Variants in SLCO3A1 observed in about 807,000 individuals in gnomAD.
The protein encoded by SLCO3A1 is solute carrier organic anion transporter family member 3A1, also known as PGE1 transporter.
In SLCO3A1, 27 loss-of-function variants were observed where a neutral mutation model predicts 63.1. The ratio of observed to expected loss-of-function variants is 0.43; its 90% CI spans 0.32 to 0.59. The LOEUF (loss-of-function observed/expected upper bound fraction) is 0.59, where lower values mean the gene tolerates loss of function less well. Ranked by LOEUF, SLCO3A1 falls within the 20% of genes least tolerant of loss-of-function variation. The pLI, the probability that SLCO3A1 is intolerant of heterozygous loss-of-function variation, is 0.09. For missense variants in SLCO3A1, 773 were observed against 945.8 expected (o/e 0.82, Z 2.40); for synonymous variants, 473 against 409.9 (o/e 1.15, Z -1.86).
intron 1 of SLCO3A1, among the ~76,000 whole-genome samples, chr15:91,880,352 G>A (rs1234780853): frequency 6.8e-6 from 1 of 146,988 alleles, no homozygotes; most frequent in Non-Finnish European, 1.5e-5. Context: ...TCCACCAACA[G>A]ATTTCCTCAG....
chr15:92,095,750 C>T (rs753789694), intron 3 of SLCO3A1, among the ~76,000 whole-genome samples: 4 of 152,150 alleles, frequency 2.6e-5, no homozygotes, highest in South Asian at 2.1e-4. Context: ...CTTGGCTCAT[C>T]GTGGTGACCT....
rs892109416 is a variant in SLCO3A1 at position 91,896,061 on chromosome 15, G to A, written c.181-19932G>A. ...CTAAATCCTTCAGTTCTCAATGTTT[G>A]TGTCTCCTATTTGTTTCTCTTCCAT... On this transcript the variant is annotated intron_variant, in intron 1 of 9. Coordinates refer to ENST00000318445, the MANE Select transcript of SLCO3A1 (RefSeq NM_013272.4). Among the ~76,000 whole-genome samples the A allele has an allele frequency of 2.0e-5, 3 of 152,162 alleles. No homozygotes were observed. The East Asian group carries it at 5.8e-4, about 29-fold the overall frequency.
intron 6 of SLCO3A1, 26 bp from the exon 7 acceptor site, chr15:92,128,325 G>T: frequency 6.2e-7 from 1 of 1,613,522 alleles, no homozygotes; most frequent in Non-Finnish European, 8.5e-7. Context: ...GTTTCTAATG[G>T]CTTCCGTGTT....
intron 2 of SLCO3A1, among the ~76,000 whole-genome samples, chr15:91,921,935 A>T (rs1232645939): frequency 1.3e-5 from 2 of 151,470 alleles, no homozygotes; most frequent in African/African-American, 2.4e-5. Context: ...GGGTTTCGTC[A>T]TGTTGTCCAG....
At chr15:92,023,592 C>T (rs1327095553) in intron 2 of SLCO3A1, among the ~76,000 whole-genome samples, 2 of 152,012 alleles carry the variant, frequency 1.3e-5, no homozygotes, top group East Asian at 3.9e-4. Flanking sequence ...CCTCAGCCTC[C>T]CAAGTAGCTG....
At chr15:91,970,952 A>G (rs1415505300) in intron 2 of SLCO3A1, among the ~76,000 whole-genome samples, 1 of 152,034 alleles carries the variant, frequency 6.6e-6, no homozygotes, top group Non-Finnish European at 1.5e-5. Flanking sequence ...GTCAGTCTTC[A>G]TTATTTGTGG....
At chr15:92,057,015 G>A (rs1218878814) in intron 2 of SLCO3A1, among the ~76,000 whole-genome samples, 2 of 152,192 alleles carry the variant, frequency 1.3e-5, no homozygotes, top group African/African-American at 4.8e-5. Context: ...ACATCTCAAG[G>A]TCTCCCTGTC....
chr15:91,855,471 C>T (rs1231417650), intron 1 of SLCO3A1, among the ~76,000 whole-genome samples: 2 of 152,232 alleles, frequency 1.3e-5, no homozygotes, highest in Non-Finnish European at 2.9e-5. Flanking sequence ...AAAGCGTTTA[C>T]ATCCCGGTCT....
chr15:91,927,952 G>T (rs1225913445), intron 2 of SLCO3A1, among the ~76,000 whole-genome samples: 1 of 152,224 alleles, frequency 6.6e-6, no homozygotes, highest in Non-Finnish European at 1.5e-5. Flanking sequence ...ATGGGGCAAA[G>T]AGCCTTCTCT....
In SLCO3A1 at chr15:91,959,941, C is replaced by G. The variant is rs189932404; in HGVS notation, c.646+43483C>G. Among the ~76,000 whole-genome samples the G allele has an allele frequency of 2.0e-3, 301 of 152,098 alleles. 3 individuals carry two copies. The highest frequency in any genetic ancestry group is 6.8e-3 in the African/African-American group (284 of 41,514). On this transcript the variant is annotated intron_variant, in intron 2 of 9. Coordinates refer to ENST00000318445, the MANE Select transcript of SLCO3A1 (RefSeq NM_013272.4). ...TACTTTCTGTGTCTATTTGATTTGCCCATTCTTAACATTTCACGTAAACAG... is the reference window on the plus strand; with the variant it reads ...TACTTTCTGTGTCTATTTGATTTGCGCATTCTTAACATTTCACGTAAACAG...
chr15:91,915,894 T>G, intron 1 of SLCO3A1, 99 bp from the exon 2 acceptor site: 1 of 1,032,870 alleles, frequency 9.7e-7, no homozygotes, highest in South Asian at 1.4e-5. Flanking sequence ...GGTGGGAGGG[T>G]CCCGGGGGGG....
chr15:92,136,596 TAC>T (rs1402389384), intron 7 of SLCO3A1, among the ~76,000 whole-genome samples: 4 of 152,210 alleles, frequency 2.6e-5, no homozygotes, highest in Admixed American at 6.5e-5. Flanking sequence ...GGAACAGAAA[TAC>T]AGTTTTCAGT....
chr15:92,125,985 A>C (rs1596123334), intron 5 of SLCO3A1, 76 bp from the exon 6 acceptor site: 1 of 1,294,742 alleles, frequency 7.7e-7, no homozygotes, highest in East Asian at 2.4e-5. Context: ...ACTCAGCCTC[A>C]GGCCTGCTGC....
chr15:92,133,012 G>T (rs2048014628), intron 7 of SLCO3A1, among the ~76,000 whole-genome samples: 1 of 146,154 alleles, frequency 6.8e-6, no homozygotes. Context: ...GAGAACCGCT[G>T]TTCTAATACA....
intron 2 of SLCO3A1, among the ~76,000 whole-genome samples, chr15:91,918,025 T>G (rs1467510644): frequency 6.6e-6 from 1 of 152,222 alleles, no homozygotes; most frequent in African/African-American, 2.4e-5. Context: ...GAGTCACCCC[T>G]GAAGTCCTAA....
chr15:91,912,570 C>T lies in SLCO3A1; in HGVS notation c.181-3423C>T, dbSNP rs1171894661. On this transcript the variant is annotated intron_variant, in intron 1 of 9. Transcript: ENST00000318445. This position sits in a 1 kb window ranked among gnomAD's most constrained non-coding sequence, Gnocchi z 5.0. The stretch of plus-strand genomic sequence containing the variant: ...CCCTTATCTGTCATCAATGTGCACA[C>T]CTGCATGATATTTTATGACACAGCA... Among the ~76,000 whole-genome samples, 1 of 152,210 alleles carries T rather than the reference C, an allele frequency of 6.6e-6. No homozygotes were observed. The highest frequency in any genetic ancestry group is 1.5e-5 in the Non-Finnish European group (1 of 68,034).
intron 8 of SLCO3A1, among the ~76,000 whole-genome samples, chr15:92,147,659 T>C (rs753947702): frequency 5.3e-5 from 8 of 152,186 alleles, no homozygotes; most frequent in Non-Finnish European, 1.2e-4. Flanking sequence ...TGACGGGTTA[T>C]TGTGCAGCAG....
chr15:91,992,552 C>T lies in SLCO3A1; in HGVS notation c.646+76094C>T, dbSNP rs564602374. ...CTTCTAAACCATGTTAGCATCTCCC[C>T]GTAGTAAGATGTCAACCATCTGGCA... On this transcript the variant is annotated intron_variant, in intron 2 of 9. Coordinates refer to ENST00000318445, the MANE Select transcript of SLCO3A1 (RefSeq NM_013272.4). Among the ~76,000 whole-genome samples the T allele has an allele frequency of 7.2e-5, 11 of 152,258 alleles. No homozygotes were observed. In the South Asian group the frequency reaches 1.0e-3, roughly 14 times the overall value.
At position 92,033,064 on chromosome 15, in the gene SLCO3A1, G is replaced by A. The variant is rs1597241588; in HGVS notation, c.647-61817G>A. ...CACTTAGAGCATGGATCAGAGCAAG[G>A]TATGTACAGGAAACTTTGTGATGCT... On this transcript the variant is annotated intron_variant, in intron 2 of 9. Coordinates refer to ENST00000318445, the MANE Select transcript of SLCO3A1 (RefSeq NM_013272.4). The surrounding 1 kb of genome is among the most constrained non-coding windows in gnomAD (Gnocchi z 4.5). Among the ~76,000 whole-genome samples, 1 of 152,120 alleles carries A rather than the reference G, an allele frequency of 6.6e-6. No individual in the cohort carries two copies. The highest frequency in any genetic ancestry group is 2.4e-5 in the African/African-American group (1 of 41,406).
Sources: allele counts gnomAD v4.1 joint callset (sites outside exome capture counted in the v4.1 genomes callset), GRCh38; gene constraint gnomAD v4.1.1; non-coding constraint Gnocchi (gnomAD v3.1); transcripts MANE v1.5; gene names NCBI Gene and HGNC (gene_info 2026-07-23, HGNC 2026-07-21).